The following GLT1D1 variants were observed in gnomAD, a reference collection of about 807,000 sequenced individuals.
GLT1D1 encodes glycosyltransferase 1 domain containing 1, also known as glycosyltransferase 1 domain-containing protein 1.
A neutral mutation model predicts 28.7 loss-of-function variants in GLT1D1; 21 were observed. The observed-to-expected ratio is 0.73, with a 90% CI of 0.52 to 1.05. GLT1D1 has a LOEUF of 1.05. GLT1D1 is among the 50% of genes least tolerant of loss of function. The probability of loss-of-function intolerance (pLI) is 0.00; values close to 1 mark genes in which losing one functional copy is unlikely to be tolerated. For missense variants in GLT1D1, 343 were observed against 330.6 expected (o/e 1.04, Z -0.29); for synonymous variants, 147 against 124.8 (o/e 1.18, Z -1.19).
chr12:128,973,225 C>T (rs1477133474), intron 7 of GLT1D1, among the ~76,000 whole-genome samples: 39 of 96,404 alleles, frequency 4.0e-4, no homozygotes, highest in Non-Finnish European at 6.4e-4. Context: ...CTCTGTTGCC[C>T]GGGCTGGAGT....
Position 128,914,996 on chromosome 12 carries a change from C to A in GLT1D1, c.375+15709C>A. On this transcript the variant is annotated intron_variant, in intron 4 of 7. Coordinates refer to ENST00000281703, the MANE Select transcript of GLT1D1 (RefSeq NM_144669.3). ...ACCTTTCTTCAACGCTCTGGTGAGA[C>A]ATGAGATCTTCTTAGAGGATTTTGA... 6.5e-7 allele frequency: 1 copy of A among 1,533,216 alleles called. No individual in the cohort carries two copies. Among genetic ancestry groups the A allele is most frequent in the Non-Finnish European group, 8.7e-7 (1 of 1,144,322 alleles). The allele number at this position is 1,533,216 out of a possible 1,614,324, so 95.0% of individuals were successfully genotyped here. A position where few individuals can be genotyped will look rare whatever the true frequency, so the allele number is the denominator to read the frequency against.
At position 128,984,687 on chromosome 12, in the gene GLT1D1, G is replaced by A. The variant is rs1422775559; in HGVS notation, c.*1597G>A. 6.6e-6 allele frequency: 1 copy of A among 152,412 alleles called. No individual in the cohort carries two copies. Among genetic ancestry groups the A allele is most frequent in the East Asian group, 1.9e-4 (1 of 5,192 alleles). 9.4% of individuals were successfully genotyped at this position (152,412 alleles called of 1,614,324 possible). A position where few individuals can be genotyped will look rare whatever the true frequency, so the allele number is the denominator to read the frequency against. ...AGAGGCAGATCCTGGGCCGGGAGAGGATGGCCTGGTCTGAATCTGGAGTAA... is the reference window on the plus strand; with the variant it reads ...AGAGGCAGATCCTGGGCCGGGAGAGAATGGCCTGGTCTGAATCTGGAGTAA... On this transcript the variant is annotated 3_prime_UTR_variant, in exon 8 of 8. Transcript: ENST00000281703.
chr12:128,936,593 C>T (rs993693986), intron 4 of GLT1D1, among the ~76,000 whole-genome samples: 2 of 152,172 alleles, frequency 1.3e-5, no homozygotes, highest in African/African-American at 2.4e-5. Flanking sequence ...TTCAACGAAG[C>T]ATATGGTCTC....
intron 4 of GLT1D1, among the ~76,000 whole-genome samples, chr12:128,907,977 G>A (rs1214171310): frequency 2.0e-5 from 3 of 152,168 alleles, no homozygotes; most frequent in Non-Finnish European, 4.4e-5. Context: ...ATCTTCTCTG[G>A]AAATTTCCTG....
rs535541303 is a variant in GLT1D1 at position 128,936,819 on chromosome 12, C to T, written c.376-8507C>T. Among the ~76,000 whole-genome samples the T allele has an allele frequency of 4.6e-5, 7 of 152,192 alleles. No homozygotes were observed. In the East Asian group the frequency reaches 7.7e-4, roughly 17 times the overall value. The stretch of plus-strand genomic sequence containing the variant: ...AAATGAGAATTTTCATTGTGGCTTG[C>T]GATGCTTTTGCCCTTTAAAATTTCA... On this transcript the variant is annotated intron_variant, in intron 4 of 7. Coordinates refer to ENST00000281703, the MANE Select transcript of GLT1D1 (RefSeq NM_144669.3).
intron 6 of GLT1D1, among the ~76,000 whole-genome samples, chr12:128,951,389 C>T (rs1876679117): frequency 6.6e-6 from 1 of 152,050 alleles, no homozygotes; most frequent in South Asian, 2.1e-4. Flanking sequence ...GGTGACAGAG[C>T]GAGACTCCAT....
chr12:128,976,921 G>C (rs1005954241), intron 7 of GLT1D1, among the ~76,000 whole-genome samples: 1 of 152,198 alleles, frequency 6.6e-6, no homozygotes, highest in African/African-American at 2.4e-5. Context: ...CAATGAAGGT[G>C]GATCACTTGA....
intron 1 of GLT1D1, 69 bp from the exon 2 acceptor site, chr12:128,875,845 G>T: frequency 8.3e-6 from 11 of 1,321,952 alleles, no homozygotes; most frequent in South Asian, 1.3e-5. Context: ...AGTCTTAACT[G>T]TAGCAGCAAC....
In GLT1D1 at chr12:128,854,334, A is replaced by G. The variant is rs534567722; in HGVS notation, c.68+685A>G. Reference sequence around the variant, plus strand: ...CTCGGCCTGTATTAGCCGGATAAACATATTCCTTGAGGCGAAGCCTGGGAA... The same window carrying G: ...CTCGGCCTGTATTAGCCGGATAAACGTATTCCTTGAGGCGAAGCCTGGGAA... On this transcript the variant is annotated intron_variant, in intron 1 of 7. Transcript: ENST00000281703. 7.9e-5 allele frequency among the ~76,000 whole-genome samples: 12 copies of G among 152,220 alleles called. No homozygotes were observed. The South Asian group carries it at 2.3e-3, about 29-fold the overall frequency.
At chr12:128,879,459 T>TTTCTTTCTTTC (rs1359913540) in intron 2 of GLT1D1, among the ~76,000 whole-genome samples, 3 of 130,836 alleles carry the variant, frequency 2.3e-5, no homozygotes, top group South Asian at 5.6e-4. Flanking sequence ...TCTTTCTTTC[T>TTTCTTTCTTTC]TTTTTTTGGG....
chr12:128,861,924 G>C (rs545180841), intron 1 of GLT1D1, among the ~76,000 whole-genome samples: 1 of 152,332 alleles, frequency 6.6e-6, no homozygotes, highest in East Asian at 1.9e-4. Context: ...GGAGTCAAAG[G>C]AAAGTGTGAA....
chr12:128,862,301 C>G (rs1200967363), intron 1 of GLT1D1, among the ~76,000 whole-genome samples: 2 of 148,524 alleles, frequency 1.3e-5, no homozygotes, highest in Non-Finnish European at 3.0e-5. Flanking sequence ...TGCAGTCCAG[C>G]CTGGGTGACA....
In GLT1D1 at chr12:128,931,917, G is replaced by GCACGCACACACACA. The variant is rs1368012620; in HGVS notation, c.376-13406_376-13405insGCACACACACACAC. Among the ~76,000 whole-genome samples the GCACGCACACACACA allele has an allele frequency of 2.8e-4, 39 of 141,104 alleles. 1 individual carries two copies. The highest frequency in any genetic ancestry group is 9.5e-4 in the African/African-American group (37 of 38,792). The allele number at this position is 141,104 out of a possible 152,430, so 92.6% of individuals were successfully genotyped here. ...TGAGGATATGTGCACACACACGCAC[G>GCACGCACACACACA]CACACACACACACACACACACACAA... is the stretch of plus-strand genomic sequence containing the variant. On this transcript the variant is annotated intron_variant, in intron 4 of 7. Transcript: ENST00000281703.
chr12:128,930,913 C>T (rs527392856), intron 4 of GLT1D1, among the ~76,000 whole-genome samples: 5 of 151,934 alleles, frequency 3.3e-5, no homozygotes, highest in South Asian at 4.2e-4. Flanking sequence ...TTAGGAGAGA[C>T]GACCGTTGTT....
chr12:128,867,134 C>T (rs1447445176), intron 1 of GLT1D1, among the ~76,000 whole-genome samples: 1 of 151,602 alleles, frequency 6.6e-6, no homozygotes, highest in Admixed American at 6.6e-5. Flanking sequence ...TGGCTCACGC[C>T]TGTAATCCCA....
chr12:128,959,455 G>A (rs1361296330), intron 7 of GLT1D1, among the ~76,000 whole-genome samples: 1 of 117,140 alleles, frequency 8.5e-6, no homozygotes. Context: ...GGGGAACGGC[G>A]GGTGGTGGGG....
Position 128,924,598 on chromosome 12 carries a change from A to G in GLT1D1, c.376-20728A>G, listed in dbSNP as rs547545349. ...CAGCCTCCTGAATTGCTGGGATTAC[A>G]GGCCCCCGCCACCACGCCCAGTTAA... On this transcript the variant is annotated intron_variant, in intron 4 of 7. Coordinates refer to ENST00000281703, the MANE Select transcript of GLT1D1 (RefSeq NM_144669.3). 1.7e-3 allele frequency among the ~76,000 whole-genome samples: 257 copies of G among 151,892 alleles called. 2 individuals are homozygous for G. Among genetic ancestry groups the G allele is most frequent in the African/African-American group, 5.6e-3 (234 of 41,486 alleles).
chr12:128,908,549 T>C (rs968512231), intron 4 of GLT1D1, among the ~76,000 whole-genome samples: 1 of 151,450 alleles, frequency 6.6e-6, no homozygotes, highest in African/African-American at 2.4e-5. Flanking sequence ...TTCTTTTTTT[T>C]TTAATTGTTC....
chr12:128,917,289 G>T (rs961837316), intron 4 of GLT1D1, among the ~76,000 whole-genome samples: 3 of 152,030 alleles, frequency 2.0e-5, no homozygotes, highest in Non-Finnish European at 1.5e-5. Context: ...GCTATTCTAG[G>T]TTTTTTGCAT....
Sources: gnomAD v4.1 joint callset for allele counts (sites outside exome capture counted in the v4.1 genomes callset) on GRCh38, gnomAD v4.1.1 for gene constraint, MANE v1.5 for transcripts, NCBI Gene and HGNC (gene_info 2026-07-23, HGNC 2026-07-21) for gene names.